Variants in MIOS observed in about 807,000 individuals in gnomAD.
MIOS encodes the protein meiosis regulator for oocyte development, also known as GATOR2 complex protein MIOS.
A neutral mutation model predicts 96.9 loss-of-function variants in MIOS; 52 were observed. That is an observed-to-expected ratio of 0.54 (90% CI 0.43 to 0.68). The LOEUF is 0.68. Among genes scored for constraint, MIOS ranks in the 30% least tolerant of loss-of-function variants. The pLI, the probability that MIOS is intolerant of heterozygous loss-of-function variation, is 0.00. For missense variants in MIOS, 1,005 were observed against 1,052.8 expected (o/e 0.95, Z 0.63); for synonymous variants, 397 against 359.5 (o/e 1.10, Z -1.18).
chr7:7,597,468 TTATATATATATATATA>T (rs1160646084), intron 11 of MIOS, among the ~76,000 whole-genome samples: 2 of 11,694 alleles, frequency 1.7e-4, no homozygotes, highest in African/African-American at 4.6e-4. Flanking sequence ...CCTAGTAAAT[TTATATATATATATATA>T]TATATATATA....
chr7:7,605,736 T>C (rs1317279018), intron 11 of MIOS: 1 of 452,926 alleles, frequency 2.2e-6, no homozygotes, highest in African/African-American at 2.0e-5. Context: ...GATTTTTTTT[T>C]CCATTTTTAT....
chr7:7,600,726 A>G (rs956405326), intron 11 of MIOS, among the ~76,000 whole-genome samples: 46 of 152,182 alleles, frequency 3.0e-4, no homozygotes, highest in African/African-American at 1.1e-3. Flanking sequence ...CCTAATAGAC[A>G]TCTACAGAAC....
In MIOS at chr7:7,588,606, A is replaced by G. The variant is rs1227510438; in HGVS notation, c.1884+43A>G. The G allele has an allele frequency of 2.3e-6, 3 of 1,282,600 alleles. No homozygotes were observed. In the African/African-American group the frequency reaches 4.4e-5, roughly 19 times the overall value. The allele number at this position is 1,282,600 out of a possible 1,614,324, so 79.5% of individuals were successfully genotyped here. A position where few individuals can be genotyped will look rare whatever the true frequency, so the allele number is the denominator to read the frequency against. On this transcript the variant is annotated intron_variant, in intron 8 of 12. Coordinates refer to ENST00000340080, the MANE Select transcript of MIOS (RefSeq NM_019005.4). Reference sequence around the variant, plus strand: ...TCCACATTTGAAGTAATTAATATGTACTGTCACAATTATGTAAGAAACTAG... The same window carrying G: ...TCCACATTTGAAGTAATTAATATGTGCTGTCACAATTATGTAAGAAACTAG...
chr7:7,602,099 C>A (rs10266754), intron 11 of MIOS, among the ~76,000 whole-genome samples: 151,834 of 152,308 alleles, frequency 1, 75,682 homozygotes, highest in East Asian at 1. Flanking sequence ...ATCTATGACA[C>A]ACCCACAGCC....
chr7:7,597,236 G>C (rs1465913039), intron 11 of MIOS, among the ~76,000 whole-genome samples: 1 of 151,342 alleles, frequency 6.6e-6, no homozygotes, highest in Non-Finnish European at 1.5e-5. Flanking sequence ...TGAGGCAGGA[G>C]AATTGCTTGA....
chr7:7,573,488 T>C lies in MIOS; in HGVS notation c.1013T>C (p.Met338Thr), dbSNP rs753221315. 1.9e-6 allele frequency: 3 copies of C among 1,614,040 alleles called. No homozygotes were observed. The South Asian group carries it at 3.3e-5, about 18-fold the overall frequency. Residue 338 changes from methionine (M) to threonine (T), a missense_variant, in exon 4 of 13, where the codon ATG becomes ACG. This residue lies in a region of MIOS where 865 missense variants were observed against 887.9 expected (regional missense o/e 0.97). Coordinates refer to ENST00000340080, the MANE Select transcript of MIOS (RefSeq NM_019005.4). The surrounding 1 kb of genome is among the most constrained non-coding windows in gnomAD (Gnocchi z 5.0). The part of the protein sequence containing the change: ...FAWHPTSQNR[M>T]IVVTPNRTMS... ...TGGCATCCAACAAGTCAAAATCGAA[T>C]GATAGTTGTAACTCCCAACCGAACA... is the stretch of plus-strand genomic sequence containing the variant.
chr7:7,583,177 A>G lies in MIOS; in HGVS notation c.1453A>G (p.Asn485Asp). ...GTTGGATAAGCAAAGTGATATTCAA[A>G]ATTTAAATGAAGAGAGAATCTTAGC... ...SGLDKQSDIQ[N>D]LNEERILALQ... Residue 485 changes from asparagine to aspartate, a missense_variant, in exon 6 of 13, where the codon AAT becomes GAT. Transcript: ENST00000340080. 1.2e-6 allele frequency: 2 copies of G among 1,614,196 alleles called. No homozygotes were observed. The highest frequency in any genetic ancestry group is 1.7e-6 in the Non-Finnish European group (2 of 1,180,014).
At chr7:7,585,407 A>G (rs1783852368) in intron 6 of MIOS, among the ~76,000 whole-genome samples, 1 of 50,152 alleles carries the variant, frequency 2.0e-5, no homozygotes, top group Non-Finnish European at 5.4e-5. Flanking sequence ...TCAAAACCCA[A>G]ACCCCCCCCT....
intron 5 of MIOS, chr7:7,582,583 A>G: frequency 1.1e-6 from 1 of 932,046 alleles, no homozygotes; most frequent in Non-Finnish European, 1.3e-6. Context: ...CTTACCTTAA[A>G]CTTTCAAAGT....
At position 7,585,774 on chromosome 7, in the gene MIOS, C is replaced by T; in HGVS notation, c.1787C>T (p.Thr596Ile). 6.2e-7 allele frequency: 1 copy of T among 1,611,012 alleles called. No individual in the cohort carries two copies. ...TTGTGTGTCATGTTTGCATTTCTGA[C>T]AAGTGAAACAGGATCTTACGATGGA... The part of the protein sequence containing the change: ...PYLCVMFAFL[T>I]SETGSYDGVL... The change falls in exon 7 of 13, where the codon ACA becomes ATA. Residue 596 changes from threonine (T) to isoleucine (I), a missense_variant. By Grantham distance (89) the Thr-to-Ile change is moderately conservative. This residue lies in a region of MIOS where 865 missense variants were observed against 887.9 expected (regional missense o/e 0.97). Transcript: ENST00000340080.
chr7:7,570,293 A>G (rs543139268), intron 3 of MIOS, among the ~76,000 whole-genome samples: 1 of 152,324 alleles, frequency 6.6e-6, no homozygotes, highest in East Asian at 1.9e-4. Context: ...AGGCAAACCC[A>G]AAGTGGCAAG....
chr7:7,587,191 G>A (rs547659602), intron 7 of MIOS, among the ~76,000 whole-genome samples: 49 of 152,006 alleles, frequency 3.2e-4, no homozygotes, highest in African/African-American at 1.1e-3. Context: ...TGTATTTTTA[G>A]TAGAGACGGG....
chr7:7,569,028 C>T (rs757639594), intron 3 of MIOS, among the ~76,000 whole-genome samples: 3 of 152,086 alleles, frequency 2.0e-5, no homozygotes, highest in Non-Finnish European at 4.4e-5. Flanking sequence ...TACCATAGAC[C>T]ATTGGTATAA....
chr7:7,577,288 C>A (rs1266449677), intron 5 of MIOS, among the ~76,000 whole-genome samples: 1 of 152,110 alleles, frequency 6.6e-6, no homozygotes, highest in African/African-American at 2.4e-5. Context: ...CAAATAAGAA[C>A]TAAAAAGGAC....
At chr7:7,577,900 G>A (rs1783588658) in intron 5 of MIOS, among the ~76,000 whole-genome samples, 1 of 152,186 alleles carries the variant, frequency 6.6e-6, no homozygotes, top group South Asian at 2.1e-4. Context: ...AGTAGGGCAA[G>A]ATAATTAAAT....
At chr7:7,585,311 CTGCACAGAG>C (rs1445759908) in intron 6 of MIOS, among the ~76,000 whole-genome samples, 1 of 152,030 alleles carries the variant, frequency 6.6e-6, no homozygotes, top group Non-Finnish European at 1.5e-5. Context: ...ATCTGCTTCC[CTGCACAGAG>C]TTTGCACACA....
At chr7:7,579,751 G>A (rs908552765) in intron 5 of MIOS, among the ~76,000 whole-genome samples, 1 of 152,210 alleles carries the variant, frequency 6.6e-6, no homozygotes, top group Non-Finnish European at 1.5e-5. Flanking sequence ...TGGGCTGTGG[G>A]TTAGACAAGC....
At chr7:7,597,903 G>A (rs138842788) in intron 11 of MIOS, among the ~76,000 whole-genome samples, 4 of 152,004 alleles carry the variant, frequency 2.6e-5, no homozygotes, top group African/African-American at 9.7e-5. Context: ...GAACTCAAGC[G>A]ATCCACCTGC....
intron 12 of MIOS, among the ~76,000 whole-genome samples, chr7:7,606,762 T>C (rs542430040): frequency 7.9e-5 from 12 of 152,294 alleles, no homozygotes; most frequent in Non-Finnish European, 2.9e-5. Flanking sequence ...TTTTTCCAAA[T>C]GCCATTTTGA....
Sources: allele counts gnomAD v4.1 joint callset (sites outside exome capture counted in the v4.1 genomes callset), GRCh38; gene constraint gnomAD v4.1.1; regional missense constraint gnomAD v4.1.1; non-coding constraint Gnocchi (gnomAD v3.1); transcripts MANE v1.5; gene names NCBI Gene and HGNC (gene_info 2026-07-23, HGNC 2026-07-21).